The following GALNT13 variants were observed in gnomAD, a reference collection of about 807,000 sequenced individuals.
GALNT13 encodes polypeptide N-acetylgalactosaminyltransferase 13, also known as UDP-GalNAc:polypeptide N-acetylgalactosaminyltransferase 13.
GALNT13 carries 28 observed loss-of-function variants against 64.2 expected under a neutral mutation model. The observed-to-expected ratio is 0.44, with a 90% CI of 0.32 to 0.60. The LOEUF (loss-of-function observed/expected upper bound fraction) is 0.60. GALNT13 is among the 20% of genes least tolerant of loss of function. The pLI, the probability that GALNT13 is intolerant of heterozygous loss-of-function variation, is 0.05. For missense variants in GALNT13, 577 were observed against 669.8 expected, an observed-to-expected ratio of 0.86 and a Z score of 1.53; for synonymous variants, 214 against 224.6, an observed-to-expected ratio of 0.95 and a Z score of 0.42.
chr2:153,581,618 T>C, the GALNT13 span, among the ~76,000 whole-genome samples: 1 of 152,124 alleles, frequency 6.6e-6, no homozygotes, highest in Non-Finnish European at 1.5e-5. Flanking sequence ...TGCCTATTGT[T>C]ATAAGGAAGT....
At chr2:153,665,450 T>C in the GALNT13 span, among the ~76,000 whole-genome samples, 1 of 152,164 alleles carries the variant, frequency 6.6e-6, no homozygotes, top group Non-Finnish European at 1.5e-5. Context: ...TGTCTATTAA[T>C]ATATATGTGT....
At chr2:153,868,236 C>G (rs1685797661), upstream of GALNT13, among the ~76,000 whole-genome samples, 1 of 152,050 alleles carries the variant, frequency 6.6e-6, no homozygotes. Context: ...TGACTGAACC[C>G]TAAGTTTTGT....
the GALNT13 span, among the ~76,000 whole-genome samples, chr2:153,160,326 C>CT: frequency 6.6e-6 from 1 of 152,108 alleles, no homozygotes; most frequent in African/African-American, 2.4e-5. Context: ...ATTCCAGGAG[C>CT]TTATTATTCA....
chr2:154,158,126 A>C (rs1684529659), intron 4 of GALNT13, among the ~76,000 whole-genome samples: 1 of 152,148 alleles, frequency 6.6e-6, no homozygotes, highest in Non-Finnish European at 1.5e-5. Flanking sequence ...GATATCGAGA[A>C]TTGAACATCT....
the GALNT13 span, among the ~76,000 whole-genome samples, chr2:153,431,665 A>G: frequency 2.6e-5 from 4 of 152,174 alleles, no homozygotes; most frequent in Admixed American, 1.3e-4. Context: ...GACAATTAGC[A>G]TGGGATTGGA....
At chr2:153,434,712 G>A in the GALNT13 span, among the ~76,000 whole-genome samples, 1 of 152,068 alleles carries the variant, frequency 6.6e-6, no homozygotes, top group Non-Finnish European at 1.5e-5. Context: ...TGAGTTCATT[G>A]TAGATTCTGG....
At chr2:153,845,760 G>C in the GALNT13 span, among the ~76,000 whole-genome samples, 2 of 147,468 alleles carry the variant, frequency 1.4e-5, no homozygotes, top group East Asian at 3.9e-4. Flanking sequence ...ACAAATTTAC[G>C]AATTTCTTCG....
At chr2:153,965,265 G>C (rs1353053258) in intron 3 of GALNT13, among the ~76,000 whole-genome samples, 3 of 151,892 alleles carry the variant, frequency 2.0e-5, no homozygotes, top group African/African-American at 7.3e-5. Flanking sequence ...AACTATACTT[G>C]TCCTATTGTA....
the GALNT13 span, among the ~76,000 whole-genome samples, chr2:153,706,653 A>G: frequency 4.6e-5 from 7 of 152,230 alleles, no homozygotes; most frequent in East Asian, 1.4e-3. Context: ...CTGGACATAT[A>G]TTTCATATCT....
chr2:153,936,116 A>G (rs562725191), intron 2 of GALNT13, among the ~76,000 whole-genome samples: 1 of 152,346 alleles, frequency 6.6e-6, no homozygotes, highest in South Asian at 2.1e-4. Context: ...CAGTTTCTGC[A>G]TTCGCAGATT....
intron 9 of GALNT13, among the ~76,000 whole-genome samples, chr2:154,338,117 G>A (rs959081226): frequency 6.6e-6 from 1 of 152,002 alleles, no homozygotes; most frequent in Non-Finnish European, 1.5e-5. Context: ...AGTTGAGTAT[G>A]ATAAAAATAA....
At chr2:153,074,812 G>A in the GALNT13 span, among the ~76,000 whole-genome samples, 1 of 152,124 alleles carries the variant, frequency 6.6e-6, no homozygotes, top group Non-Finnish European at 1.5e-5. Context: ...ATAACTCACT[G>A]CAGCCCCAAA....
chr2:153,074,925 G>T, the GALNT13 span, among the ~76,000 whole-genome samples: 1 of 152,066 alleles, frequency 6.6e-6, no homozygotes, highest in Non-Finnish European at 1.5e-5. Flanking sequence ...TAAAGACCAG[G>T]TCTAATTTTG....
chr2:153,426,512 C>A, the GALNT13 span, among the ~76,000 whole-genome samples: 395 of 152,062 alleles, frequency 2.6e-3, 3 homozygotes, highest in Admixed American at 3.8e-3. Flanking sequence ...CTTTGTTCAT[C>A]TTTACGGTCT....
chr2:153,930,677 A>G (rs796896574), intron 2 of GALNT13, among the ~76,000 whole-genome samples: 18 of 151,824 alleles, frequency 1.2e-4, no homozygotes, highest in African/African-American at 3.9e-4. Context: ...CCACTGGTCT[A>G]TGTCTGTTTT....
the GALNT13 span, among the ~76,000 whole-genome samples, chr2:153,335,601 A>C: frequency 6.6e-6 from 1 of 152,248 alleles, no homozygotes; most frequent in South Asian, 2.1e-4. Flanking sequence ...CAAAGCATTC[A>C]AGAGGTGACT....
chr2:154,212,301 A>G (rs903462076), intron 4 of GALNT13, among the ~76,000 whole-genome samples: 18 of 151,988 alleles, frequency 1.2e-4, no homozygotes, highest in African/African-American at 2.4e-4. Context: ...CTGGAGTCCA[A>G]TGGCGAAATC....
chr2:153,098,116 G>A, the GALNT13 span, among the ~76,000 whole-genome samples: 33 of 152,042 alleles, frequency 2.2e-4, no homozygotes, highest in Admixed American at 5.9e-4. Context: ...TTCCCTTATA[G>A]CCATCACTTA....
At chr2:153,887,588 A>T (rs1050075724) in intron 1 of GALNT13, among the ~76,000 whole-genome samples, 3 of 151,890 alleles carry the variant, frequency 2.0e-5, no homozygotes, top group Non-Finnish European at 4.4e-5. Context: ...AAATATTATG[A>T]TATTATACAC....
Sources: gnomAD v4.1 joint callset for allele counts (sites outside exome capture counted in the v4.1 genomes callset) on GRCh38, gnomAD v4.1.1 for gene constraint, MANE v1.5 for transcripts, NCBI Gene and HGNC (gene_info 2026-07-23, HGNC 2026-07-21) for gene names.